Variants in CFAP44 observed in about 807,000 individuals in gnomAD.
CFAP44 encodes cilia and flagella associated protein 44.
Under a neutral mutation model 216.2 loss-of-function variants are expected in CFAP44, and 134 were observed. That is an observed-to-expected ratio of 0.62 (90% CI 0.54 to 0.72). CFAP44 has a LOEUF of 0.72. CFAP44 is among the 30% of genes least tolerant of loss of function. The pLI is 0.00. For synonymous variants in CFAP44, 700 were observed against 727.6 expected, an observed-to-expected ratio of 0.96 and a Z score of 0.61; for missense variants, 2,035 against 2,182.1, an observed-to-expected ratio of 0.93 and a Z score of 1.34.
chr3:113,414,731 G>A (rs1233030926), intron 6 of CFAP44, among the ~76,000 whole-genome samples: 4 of 152,140 alleles, frequency 2.6e-5, no homozygotes, highest in Admixed American at 6.5e-5. Flanking sequence ...TGGTGGATAC[G>A]TTTTTCGATG....
chr3:113,304,286 G>T, intron 31 of CFAP44, 169 bp from the exon 32 acceptor site: 1 of 651,858 alleles, frequency 1.5e-6, no homozygotes, highest in Non-Finnish European at 2.6e-6. Context: ...ACAGAAAGAT[G>T]CTGTCAGACA....
At chr3:113,391,239 C>A (rs1393513719) in intron 15 of CFAP44, among the ~76,000 whole-genome samples, 4 of 152,040 alleles carry the variant, frequency 2.6e-5, no homozygotes, top group African/African-American at 7.2e-5. Context: ...ACGTACATTG[C>A]ACAAAGAGCA....
At chr3:113,438,632 G>A (rs1210487974) in intron 1 of CFAP44, among the ~76,000 whole-genome samples, 1 of 152,132 alleles carries the variant, frequency 6.6e-6, no homozygotes, top group Non-Finnish European at 1.5e-5. Context: ...AATATTTCGG[G>A]TAAGAGGGTG....
chr3:113,310,872 C>A (rs1227713923), intron 28 of CFAP44, among the ~76,000 whole-genome samples: 2 of 152,214 alleles, frequency 1.3e-5, no homozygotes, highest in East Asian at 3.8e-4. Context: ...AAGATGCCTG[C>A]TCCTGTTTTG....
At chr3:113,313,967 CA>C (rs1380829138) in intron 28 of CFAP44, among the ~76,000 whole-genome samples, 1 of 152,028 alleles carries the variant, frequency 6.6e-6, no homozygotes, top group Non-Finnish European at 1.5e-5. Flanking sequence ...AGAAGAGAAT[CA>C]ATAAATGTAA....
At chr3:113,330,696 C>T in intron 25 of CFAP44, 28 bp from the exon 26 acceptor site, 1 of 1,504,982 alleles carries the variant, frequency 6.6e-7, no homozygotes, top group South Asian at 1.3e-5. Context: ...AAGGAAACAA[C>T]AGTACAACCC....
At chr3:113,339,275 C>G (rs1194167650) in intron 24 of CFAP44, among the ~76,000 whole-genome samples, 1 of 152,162 alleles carries the variant, frequency 6.6e-6, no homozygotes, top group Non-Finnish European at 1.5e-5. Context: ...TACACTCCAG[C>G]TGGGGGTGGT....
chr3:113,319,461 G>C (rs113080283), intron 28 of CFAP44, among the ~76,000 whole-genome samples: 5 of 151,306 alleles, frequency 3.3e-5, no homozygotes, highest in African/African-American at 1.2e-4. Flanking sequence ...CCTACAAAAA[G>C]ACTTAGACAA....
intron 29 of CFAP44, among the ~76,000 whole-genome samples, 195 bp downstream of exon 29, chr3:113,307,963 C>G (rs1452989209): frequency 1.3e-5 from 2 of 152,140 alleles, no homozygotes; most frequent in African/African-American, 4.8e-5. Flanking sequence ...CTGGGTGACA[C>G]AGCTAAACTC....
chr3:113,346,754 A>G (rs1169100274), intron 22 of CFAP44, among the ~76,000 whole-genome samples: 1 of 152,232 alleles, frequency 6.6e-6, no homozygotes, highest in African/African-American at 2.4e-5. Context: ...CACTCTGTAA[A>G]ATGGACCAAT....
intron 22 of CFAP44, among the ~76,000 whole-genome samples, chr3:113,352,543 A>C (rs1472188795): frequency 6.6e-6 from 1 of 152,254 alleles, no homozygotes; most frequent in Admixed American, 6.5e-5. Context: ...AAAATTAAAA[A>C]TTCTGCACAG....
chr3:113,291,481 G>A lies in CFAP44; in HGVS notation c.*76C>T. 6.9e-7 allele frequency: 1 copy of A among 1,454,096 alleles called. No individual in the cohort carries two copies. Among genetic ancestry groups the A allele is most frequent in the Admixed American group, 2.1e-5 (1 of 47,356 alleles). 90.1% of individuals were successfully genotyped at this position (1,454,096 alleles called of 1,614,324 possible). On this transcript the variant is annotated 3_prime_UTR_variant, in exon 35 of 35. Transcript: ENST00000393845. Reference sequence around the variant, plus strand: ...GAGTTCAGTTTAAAGTAATAAGATTGTTGGAGGTGATGAGGAGACAGAACT... The same window carrying A: ...GAGTTCAGTTTAAAGTAATAAGATTATTGGAGGTGATGAGGAGACAGAACT...
intron 5 of CFAP44, among the ~76,000 whole-genome samples, chr3:113,418,603 A>G (rs1441257145): frequency 6.6e-6 from 1 of 152,220 alleles, no homozygotes; most frequent in Non-Finnish European, 1.5e-5. Flanking sequence ...GTCACTACCC[A>G]GGCTTCAACA....
At chr3:113,408,771 G>A (rs62265968) in intron 7 of CFAP44, among the ~76,000 whole-genome samples, 13,061 of 150,666 alleles carry the variant, frequency 0.087, 796 homozygotes, top group Middle Eastern at 0.26. Flanking sequence ...GCTGAGGCAG[G>A]AGAATCGCTT....
chr3:113,306,320 C>A lies in CFAP44; in HGVS notation c.4639G>T (p.Ala1547Ser), dbSNP rs1034432508. Residue 1547 changes from alanine (A) to serine (S), a missense_variant, in exon 30 of 35, where the codon GCT (alanine) becomes TCT (serine). By Grantham distance (99) the Ala-to-Ser change is moderately conservative. Around this residue, in one of 3 missense-constraint regions of CFAP44, gnomAD observed 1,883 missense variants for 2,023.7 expected, o/e 0.93. Coordinates refer to ENST00000393845, the MANE Select transcript of CFAP44 (RefSeq NM_001164496.2). The stretch of plus-strand genomic sequence containing the variant: ...AGGTGAAGGGCCAGCTCAAAAAGAG[C>A]CACATCACAATCTGCCAAGAGAATT... Reference protein sequence around the residue: ...DSICPTNCDVALFELALHLRE... With the variant: ...DSICPTNCDVSLFELALHLRE... 6.5e-7 allele frequency: 1 copy of A among 1,536,050 alleles called. No homozygotes were observed. The highest frequency in any genetic ancestry group is 1.4e-5 in the African/African-American group (1 of 72,956).
chr3:113,414,295 T>C (rs1394229087), intron 6 of CFAP44, among the ~76,000 whole-genome samples: 1 of 152,212 alleles, frequency 6.6e-6, no homozygotes, highest in African/African-American at 2.4e-5. Context: ...TAAAGTCATG[T>C]CATCTGCAAA....
At chr3:113,405,458 G>C (rs190791388) in intron 8 of CFAP44, among the ~76,000 whole-genome samples, 128 of 152,250 alleles carry the variant, frequency 8.4e-4, no homozygotes, top group Non-Finnish European at 1.3e-3. Context: ...CTTGACTCCA[G>C]ATTTCCCTTC....
At chr3:113,384,020 G>C (rs1411768146) in intron 15 of CFAP44, among the ~76,000 whole-genome samples, 3 of 150,970 alleles carry the variant, frequency 2.0e-5, no homozygotes, top group African/African-American at 7.3e-5. Context: ...CTGTTCCTGT[G>C]TTAGTTTGCT....
chr3:113,335,701 G>T (rs1480138563), intron 24 of CFAP44, among the ~76,000 whole-genome samples: 1 of 152,160 alleles, frequency 6.6e-6, no homozygotes, highest in Non-Finnish European at 1.5e-5. Flanking sequence ...AGAGAGAAAG[G>T]CATAGAAGAT....
Sources: allele counts gnomAD v4.1 joint callset (sites outside exome capture counted in the v4.1 genomes callset), GRCh38; gene constraint gnomAD v4.1.1; regional missense constraint gnomAD v4.1.1; transcripts MANE v1.5; gene names NCBI Gene and HGNC (gene_info 2026-07-23, HGNC 2026-07-21).